The following CADM2 variants were observed in gnomAD, a reference collection of about 807,000 sequenced individuals.
CADM2 encodes immunoglobulin superfamily member 4D.
A neutral mutation model predicts 49.8 loss-of-function variants in CADM2; 12 were observed. That is an observed-to-expected ratio of 0.24 (90% confidence interval 0.15 to 0.39). The LOEUF is 0.39. CADM2 is among the 10% of genes least tolerant of loss of function. CADM2 has a pLI of 1.00. For missense variants in CADM2, 378 were observed against 492.3 expected (o/e 0.77, Z 2.20); for synonymous variants, 214 against 175.4 (o/e 1.22, Z -1.74).
intron 3 of CADM2, among the ~76,000 whole-genome samples, chr3:85,880,776 G>A (rs940092861): frequency 1.3e-5 from 2 of 152,074 alleles, no homozygotes; most frequent in African/African-American, 2.4e-5. Flanking sequence ...TATGAGAAAT[G>A]CCCCCACTCA....
At chr3:85,668,176 A>T (rs557630338) in intron 1 of CADM2, among the ~76,000 whole-genome samples, 1 of 151,642 alleles carries the variant, frequency 6.6e-6, no homozygotes, top group Non-Finnish European at 1.5e-5. Context: ...GCCCTTTCCT[A>T]TCTGCTCATC....
chr3:85,840,320 C>A (rs2108261420), intron 3 of CADM2, among the ~76,000 whole-genome samples: 1 of 151,948 alleles, frequency 6.6e-6, no homozygotes, highest in African/African-American at 2.4e-5. Flanking sequence ...ACAACACCTA[C>A]TTTCTTTGTT....
intron 1 of CADM2, among the ~76,000 whole-genome samples, chr3:85,059,896 A>T (rs2036239770): frequency 6.6e-6 from 1 of 152,178 alleles, no homozygotes; most frequent in African/African-American, 2.4e-5. Context: ...TTCAGCTATT[A>T]TTCTATAAAC....
At chr3:85,431,378 G>A (rs370998341) in intron 1 of CADM2, among the ~76,000 whole-genome samples, 7 of 152,078 alleles carry the variant, frequency 4.6e-5, no homozygotes, top group African/African-American at 7.2e-5. Flanking sequence ...ATTAATATTA[G>A]CTATTTTTAC....
chr3:85,271,456 G>C (rs1039194687), intron 1 of CADM2, among the ~76,000 whole-genome samples: 1 of 150,994 alleles, frequency 6.6e-6, no homozygotes, highest in South Asian at 2.1e-4. Flanking sequence ...AGTATAATTG[G>C]GTCATAAGTT....
intron 6 of CADM2, among the ~76,000 whole-genome samples, chr3:85,927,525 A>G (rs1303107940): frequency 6.6e-6 from 1 of 152,262 alleles, no homozygotes; most frequent in Middle Eastern, 3.4e-3. Flanking sequence ...GGAACTATGT[A>G]AGTGTTTGTC....
chr3:85,525,697 T>G (rs1243966394), intron 1 of CADM2, among the ~76,000 whole-genome samples: 3 of 152,188 alleles, frequency 2.0e-5, no homozygotes, highest in Non-Finnish European at 4.4e-5. Context: ...TATTTTGATG[T>G]GTCAACTTAA....
At chr3:85,710,032 A>AGG (rs1164501250) in intron 1 of CADM2, among the ~76,000 whole-genome samples, 4 of 152,146 alleles carry the variant, frequency 2.6e-5, no homozygotes, top group African/African-American at 7.2e-5. Context: ...AGCTCTCCGG[A>AGG]AATGGAATCA....
intron 1 of CADM2, among the ~76,000 whole-genome samples, chr3:85,410,762 G>A (rs1406458187): frequency 6.6e-6 from 1 of 152,156 alleles, no homozygotes; most frequent in Admixed American, 6.5e-5. Context: ...ACCACTGAAA[G>A]CTCTTTGTAG....
intron 1 of CADM2, among the ~76,000 whole-genome samples, chr3:85,145,017 A>AT (rs2039695625): frequency 1.3e-5 from 2 of 152,190 alleles, no homozygotes; most frequent in Non-Finnish European, 2.9e-5. Context: ...AGTTTAACTC[A>AT]AAGATATGAG....
intron 1 of CADM2, among the ~76,000 whole-genome samples, chr3:85,335,916 T>C (rs536112058): frequency 2.0e-4 from 30 of 151,458 alleles, no homozygotes; most frequent in Non-Finnish European, 3.3e-4. Flanking sequence ...AAGCAAACAG[T>C]AATAAAACCA....
chr3:85,985,706 C>T (rs2108682918), intron 8 of CADM2, among the ~76,000 whole-genome samples: 1 of 152,054 alleles, frequency 6.6e-6, no homozygotes, highest in African/African-American at 2.4e-5. Context: ...AATCCTAAAA[C>T]ATTGCTTTCT....
At chr3:85,666,303 G>A (rs1342215945) in intron 1 of CADM2, among the ~76,000 whole-genome samples, 1 of 151,874 alleles carries the variant, frequency 6.6e-6, no homozygotes, top group Admixed American at 6.6e-5. Context: ...ATATCTCACT[G>A]CGAAATTGTT....
intron 1 of CADM2, among the ~76,000 whole-genome samples, chr3:85,441,937 A>T (rs1260675096): frequency 6.6e-6 from 1 of 152,098 alleles, no homozygotes; most frequent in Non-Finnish European, 1.5e-5. Flanking sequence ...GCAGAAGAAC[A>T]ATAAATTAGC....
intron 1 of CADM2, among the ~76,000 whole-genome samples, chr3:85,635,399 G>A (rs1187295376): frequency 2.6e-5 from 4 of 152,042 alleles, no homozygotes; most frequent in African/African-American, 9.7e-5. Flanking sequence ...AAGTGAATAT[G>A]TTCAAAAAAC....
At chr3:85,686,738 C>G (rs2066228622) in intron 1 of CADM2, among the ~76,000 whole-genome samples, 1 of 152,160 alleles carries the variant, frequency 6.6e-6, no homozygotes, top group Non-Finnish European at 1.5e-5. Flanking sequence ...CCATTCTATT[C>G]AGTCACCCCT....
In CADM2 at chr3:85,098,512, A is replaced by G. The variant is rs184888139; in HGVS notation, c.61+138844A>G. ...AAAAATTGCCTTCCAACTATTATAG[A>G]CTGAATTTGGATGTAAGGGGGAGAT... On this transcript the variant is annotated intron_variant, in intron 1 of 9. Transcript: ENST00000383699. 4.6e-5 allele frequency among the ~76,000 whole-genome samples: 7 copies of G among 152,304 alleles called. No individual in the cohort carries two copies. In the East Asian group the frequency reaches 9.7e-4, roughly 21 times the overall value.
At chr3:85,591,132 CT>C (rs1234267163) in intron 1 of CADM2, among the ~76,000 whole-genome samples, 1 of 151,940 alleles carries the variant, frequency 6.6e-6, no homozygotes, top group Non-Finnish European at 1.5e-5. Flanking sequence ...AACCTTGACA[CT>C]ACTTTCCAGT....
At chr3:85,310,165 C>T (rs565624884) in intron 1 of CADM2, among the ~76,000 whole-genome samples, 6 of 152,286 alleles carry the variant, frequency 3.9e-5, no homozygotes, top group South Asian at 4.1e-4. Flanking sequence ...GTTTCCAAAA[C>T]GAATACATTT....
Sources: allele counts gnomAD v4.1 joint callset (sites outside exome capture counted in the v4.1 genomes callset), GRCh38; gene constraint gnomAD v4.1.1; transcripts MANE v1.5; gene names NCBI Gene and HGNC (gene_info 2026-07-23, HGNC 2026-07-21).